Variants in DAPK1 observed in about 807,000 individuals in gnomAD.
DAPK1 encodes the protein death associated protein kinase 1.
Under a neutral mutation model 144.9 loss-of-function variants are expected in DAPK1, and 56 were observed. That is an observed-to-expected ratio of 0.39 (90% CI 0.31 to 0.48). The LOEUF (loss-of-function observed/expected upper bound fraction) is 0.48, where lower values mean the gene tolerates loss of function less well. DAPK1 is among the 20% of genes least tolerant of loss of function. DAPK1 has a pLI of 0.95. For missense variants in DAPK1, 1,454 were observed against 1,875.4 expected (o/e 0.78, Z 4.15); for synonymous variants, 690 against 749.0 (o/e 0.92, Z 1.29).
intron 3 of DAPK1, chr9:87,633,313 T>C: frequency 1.0e-6 from 1 of 984,826 alleles, no homozygotes; most frequent in Non-Finnish European, 1.2e-6. Context: ...AGGGGATGTG[T>C]ACATATGTAG....
intron 3 of DAPK1, among the ~76,000 whole-genome samples, chr9:87,625,220 G>C (rs896261414): frequency 6.6e-6 from 1 of 150,654 alleles, no homozygotes; most frequent in Non-Finnish European, 1.5e-5. Context: ...ATCTCGGGTC[G>C]CTATAGGAAT....
intron 3 of DAPK1, among the ~76,000 whole-genome samples, chr9:87,614,434 A>C (rs1829028198): frequency 6.6e-6 from 1 of 152,204 alleles, no homozygotes; most frequent in African/African-American, 2.4e-5. Flanking sequence ...AAACTGAGGC[A>C]ATGCTGCTTA....
intron 3 of DAPK1, chr9:87,632,233 C>T (rs552278004): frequency 3.6e-5 from 35 of 975,570 alleles, no homozygotes; most frequent in South Asian, 1.4e-4. Context: ...AAAGGAGGAT[C>T]GGTATATATA....
At chr9:87,658,953 G>A (rs1250146587) in intron 18 of DAPK1, among the ~76,000 whole-genome samples, 1 of 152,230 alleles carries the variant, frequency 6.6e-6, no homozygotes, top group Non-Finnish European at 1.5e-5. Flanking sequence ...ATGGCCCACG[G>A]GCCATATCCC....
chr9:87,653,946 A>C (rs572083299), intron 17 of DAPK1, among the ~76,000 whole-genome samples: 1 of 152,256 alleles, frequency 6.6e-6, no homozygotes, highest in Non-Finnish European at 1.5e-5. Flanking sequence ...TGCCCGCTTC[A>C]GCCCCCCAAT....
At chr9:87,655,781 G>A (rs1830609441) in intron 17 of DAPK1, among the ~76,000 whole-genome samples, 1 of 152,196 alleles carries the variant, frequency 6.6e-6, no homozygotes, top group Admixed American at 6.5e-5. Context: ...AGAATGCATG[G>A]CCCTTACCCA....
At chr9:87,619,092 G>C (rs1829199326) in intron 3 of DAPK1, among the ~76,000 whole-genome samples, 1 of 151,944 alleles carries the variant, frequency 6.6e-6, no homozygotes, top group Non-Finnish European at 1.5e-5. Context: ...AGAATGTCTT[G>C]CCATTGCCAG....
Position 87,658,099 on chromosome 9 carries a change from TG to T in DAPK1, c.1898del (p.Gly633GlufsTer7). The T allele has an allele frequency of 1.3e-6, 2 of 1,521,108 alleles. No individual in the cohort carries two copies. Among genetic ancestry groups the T allele is most frequent in the Admixed American group, 1.7e-5 (1 of 59,692 alleles). 94.2% of individuals were successfully genotyped at this position (1,521,108 alleles called of 1,614,324 possible). A position where few individuals can be genotyped will look rare whatever the true frequency, so the allele number is the denominator to read the frequency against. Reference protein sequence around the residue: ...ILDVVRYLCLMGASVEALTTD... With the variant: ...ILDVVRYLCLXGASVEALTTD... ...GACGTGGTCCGGTATCTCTGTCTGA[TG>T]GGAGCCAGCGTTGAGGCGCTGACCA... On this transcript the variant is annotated frameshift_variant, in exon 18 of 26. Transcript: ENST00000408954. LOFTEE classifies it high-confidence loss of function.
rs776558558 is a variant in DAPK1 at position 87,706,468 on chromosome 9, C to T, written c.3397C>T (p.Pro1133Ser). The change falls in exon 26 of 26, where the codon CCC (proline) becomes TCC (serine). Residue 1133 changes from proline to serine, a missense_variant. By Grantham distance (74) the Pro-to-Ser change is moderately conservative (BLOSUM62 -1). Transcript: ENST00000408954. The surrounding 1 kb of genome is among the most constrained non-coding windows in gnomAD (Gnocchi z 9.0). Reference sequence around the variant, plus strand: ...GGTGTATGGTGGCGTGCGCATCGTGCCCGTGGAACACCTCACCCCCTTCCC... The same window carrying T: ...GGTGTATGGTGGCGTGCGCATCGTGTCCGTGGAACACCTCACCCCCTTCCC... ...VMVYGGVRIV[P>S]VEHLTPFPCG... 1 of 1,613,160 alleles carries T rather than the reference C, an allele frequency of 6.2e-7. No individual in the cohort carries two copies. Among genetic ancestry groups the T allele is most frequent in the Admixed American group, 1.7e-5 (1 of 59,964 alleles).
chr9:87,514,364 A>G (rs1005810623), intron 2 of DAPK1, among the ~76,000 whole-genome samples: 1 of 152,198 alleles, frequency 6.6e-6, no homozygotes, highest in Admixed American at 6.5e-5. Context: ...TGTGTCCCAG[A>G]GGTCTGGGCT....
intron 18 of DAPK1, among the ~76,000 whole-genome samples, chr9:87,662,379 G>C (rs1356034644): frequency 6.6e-6 from 1 of 152,164 alleles, no homozygotes; most frequent in Non-Finnish European, 1.5e-5. Context: ...TATTTTGATG[G>C]AGATTGCATT....
intron 2 of DAPK1, among the ~76,000 whole-genome samples, chr9:87,526,305 T>TATAC (rs1354153027): frequency 2.0e-5 from 3 of 152,192 alleles, no homozygotes; most frequent in Admixed American, 6.5e-5. Context: ...TTTCCATGTG[T>TATAC]GTATTAGAGT....
At chr9:87,524,454 C>A (rs1013703585) in intron 2 of DAPK1, among the ~76,000 whole-genome samples, 1 of 152,188 alleles carries the variant, frequency 6.6e-6, no homozygotes, top group Non-Finnish European at 1.5e-5. Flanking sequence ...TTGGGAAGCA[C>A]ACGCTTGAGC....
chr9:87,549,231 G>A (rs1399583676), intron 2 of DAPK1, among the ~76,000 whole-genome samples: 2 of 152,056 alleles, frequency 1.3e-5, no homozygotes, highest in African/African-American at 4.8e-5. Context: ...GAGGATAATG[G>A]CCTCTAGCTC....
At chr9:87,602,906 T>G (rs1191288319) in intron 2 of DAPK1, among the ~76,000 whole-genome samples, 2 of 148,598 alleles carry the variant, frequency 1.3e-5, no homozygotes, top group African/African-American at 2.6e-5. Context: ...CGGTTTTTCT[T>G]TCTCTGTCTC....
In DAPK1 at chr9:87,541,849, C is replaced by CT. The variant is rs138211462; in HGVS notation, c.62+42711dup. ...TGATGCATGTTTTCCTGTTCTGTGT[C>CT]TATCACATGTCTATATAGGCCATGC... is the stretch of plus-strand genomic sequence containing the variant. On this transcript the variant is annotated intron_variant, in intron 2 of 25. Transcript: ENST00000408954. 1.8e-4 allele frequency among the ~76,000 whole-genome samples: 28 copies of CT among 152,304 alleles called. 1 individual carries two copies. The East Asian group carries it at 5.2e-3, about 28-fold the overall frequency.
rs1325364609 is a variant in DAPK1, at chr9:87,696,989, A to G, written c.2414-18A>G. On this transcript the variant is annotated intron_variant, in intron 21 of 25. Transcript: ENST00000408954. ...TTAGTGGTGTTTCACGATTGTTATC[A>G]TTTTTCTTTTTCTGTAGGAGTTGGC... The G allele has an allele frequency of 1.1e-5, 15 of 1,332,030 alleles. No homozygotes were observed. Among genetic ancestry groups the G allele is most frequent in the South Asian group, 7.0e-5 (6 of 85,336 alleles). 82.5% of individuals were successfully genotyped at this position (1,332,030 alleles called of 1,614,324 possible). A position where few individuals can be genotyped will look rare whatever the true frequency, so the allele number is the denominator to read the frequency against.
rs745317733 is a variant in DAPK1, at chr9:87,639,634, G to A, written c.554-16G>A. 16 of 1,613,814 alleles carry A rather than the reference G, an allele frequency of 9.9e-6. No homozygotes were observed. The South Asian group carries it at 1.8e-4, about 18-fold the overall frequency. On this transcript the variant is annotated splice_polypyrimidine_tract_variant and intron_variant, in intron 5 of 25. Transcript: ENST00000408954. ...TTGCTTCCTCCCAAGCTAAATGAGT[G>A]TTTGTTTCCTCTTAGCTCCTGAGAT...
chr9:87,638,233 A>G, intron 4 of DAPK1, 152 bp downstream of exon 4: 1 of 775,222 alleles, frequency 1.3e-6, no homozygotes, highest in Non-Finnish European at 2.0e-6. Flanking sequence ...CGGCAAGCAT[A>G]GGATACATGC....
Sources: gnomAD v4.1 joint callset for allele counts (sites outside exome capture counted in the v4.1 genomes callset) on GRCh38, gnomAD v4.1.1 for gene constraint, Gnocchi (gnomAD v3.1) non-coding constraint, MANE v1.5 for transcripts, NCBI Gene and HGNC (gene_info 2026-07-23, HGNC 2026-07-21) for gene names.